The following RCAN2 variants were observed in gnomAD, a reference collection of about 807,000 sequenced individuals.
RCAN2 encodes regulator of calcineurin 2, also known as calcipressin-2.
A neutral mutation model predicts 23.6 loss-of-function variants in RCAN2; 9 were observed. That is an observed-to-expected ratio of 0.38 (90% CI 0.23 to 0.67). The LOEUF is 0.67. RCAN2 is among the 30% of genes least tolerant of loss of function. The probability of loss-of-function intolerance (pLI) is 0.51; values close to 1 mark genes in which losing one functional copy is unlikely to be tolerated. For missense variants in RCAN2, 273 were observed against 302.3 expected, an observed-to-expected ratio of 0.90 and a Z score of 0.72; for synonymous variants, 109 against 115.7, an observed-to-expected ratio of 0.94 and a Z score of 0.37.
At chr6:46,286,561 A>G (rs1762379539) in intron 2 of RCAN2, among the ~76,000 whole-genome samples, 1 of 152,202 alleles carries the variant, frequency 6.6e-6, no homozygotes. Flanking sequence ...TTTTGGCCAG[A>G]ATAAAGATGG....
At chr6:46,266,028 G>A (rs139616920) in intron 2 of RCAN2, among the ~76,000 whole-genome samples, 1,548 of 152,212 alleles carry the variant, frequency 0.01, 26 homozygotes, top group African/African-American at 0.035. Context: ...ACAGATCAGC[G>A]GTGGCAGCAT....
Position 46,359,883 on chromosome 6 carries a change from T to A in RCAN2, c.225+96869A>T, listed in dbSNP as rs116468683. ...AGAACCAAAGTTCAGAGATCACAAATCTTTTGTTTCCAGACCTAAAGGAAC... is the reference window on the plus strand; with the variant it reads ...AGAACCAAAGTTCAGAGATCACAAAACTTTTGTTTCCAGACCTAAAGGAAC... On this transcript the variant is annotated intron_variant, in intron 2 of 4. Coordinates refer to ENST00000371374, the MANE Select transcript of RCAN2 (RefSeq NM_001251974.2). 8.4e-4 allele frequency among the ~76,000 whole-genome samples: 128 copies of A among 152,262 alleles called. 1 individual carries two copies. The highest frequency in any genetic ancestry group is 2.8e-3 in the African/African-American group (116 of 41,542).
intron 2 of RCAN2, among the ~76,000 whole-genome samples, chr6:46,344,950 C>G (rs1185846054): frequency 6.6e-6 from 1 of 151,922 alleles, no homozygotes; most frequent in Admixed American, 6.6e-5. Flanking sequence ...AAAAATCTCC[C>G]TTTTTCTCTC....
At chr6:46,329,221 T>C (rs1328345127) in intron 2 of RCAN2, among the ~76,000 whole-genome samples, 1 of 152,176 alleles carries the variant, frequency 6.6e-6, no homozygotes, top group African/African-American at 2.4e-5. Flanking sequence ...CTTCTTATCA[T>C]CTGGATCTCC....
chr6:46,365,478 A>AAAAG (rs1765143155), intron 2 of RCAN2, among the ~76,000 whole-genome samples: 1 of 145,704 alleles, frequency 6.9e-6, no homozygotes, highest in Non-Finnish European at 1.5e-5. Flanking sequence ...CTCCATCTCA[A>AAAAG]AAAAGAAAAG....
intron 2 of RCAN2, among the ~76,000 whole-genome samples, chr6:46,328,684 C>A (rs1268314527): frequency 6.6e-6 from 1 of 152,210 alleles, no homozygotes; most frequent in Non-Finnish European, 1.5e-5. Context: ...GATCTCAGCT[C>A]ACTGCAACCA....
At chr6:46,388,272 AAAAT>A (rs1285984668) in intron 2 of RCAN2, among the ~76,000 whole-genome samples, 1 of 151,684 alleles carries the variant, frequency 6.6e-6, no homozygotes, top group Non-Finnish European at 1.5e-5. Flanking sequence ...TAATAATAAT[AAAAT>A]AAATAAATTT....
chr6:46,457,707 A>G (rs1049031035), intron 1 of RCAN2, among the ~76,000 whole-genome samples: 3 of 152,170 alleles, frequency 2.0e-5, no homozygotes, highest in Non-Finnish European at 2.9e-5. Flanking sequence ...GACTGAGATA[A>G]TTACTTCAAG....
intron 2 of RCAN2, among the ~76,000 whole-genome samples, chr6:46,392,156 A>G (rs573872004): frequency 6.6e-6 from 1 of 152,300 alleles, no homozygotes; most frequent in South Asian, 2.1e-4. Flanking sequence ...TTAAATTCAG[A>G]GAGGAAACAG....
intron 2 of RCAN2, among the ~76,000 whole-genome samples, chr6:46,324,115 G>A (rs1021482810): frequency 1.1e-4 from 17 of 152,332 alleles, no homozygotes; most frequent in Admixed American, 5.2e-4. Flanking sequence ...TGCTATGGAA[G>A]TACGACTGGC....
intron 2 of RCAN2, among the ~76,000 whole-genome samples, chr6:46,422,567 C>G (rs1415897145): frequency 6.6e-6 from 1 of 152,082 alleles, no homozygotes; most frequent in Non-Finnish European, 1.5e-5. Flanking sequence ...ATTTAAAAAG[C>G]TACCAACATC....
At chr6:46,280,213 G>T (rs941473547) in intron 2 of RCAN2, among the ~76,000 whole-genome samples, 2 of 152,140 alleles carry the variant, frequency 1.3e-5, no homozygotes, top group Non-Finnish European at 2.9e-5. Flanking sequence ...TAAAAGTGAG[G>T]TGATTAATCA....
chr6:46,404,414 C>T (rs1766340618), intron 2 of RCAN2, among the ~76,000 whole-genome samples: 2 of 152,112 alleles, frequency 1.3e-5, no homozygotes, highest in African/African-American at 4.8e-5. Flanking sequence ...TGGGGCCCTT[C>T]TTATTAAAGT....
chr6:46,336,908 C>G, intron 2 of RCAN2, among the ~76,000 whole-genome samples: 1 of 144,390 alleles, frequency 6.9e-6, no homozygotes, highest in South Asian at 2.2e-4. Context: ...AGGTAATGAT[C>G]TGGGGATGGG....
At chr6:46,441,432 T>TA (rs1332832763) in intron 2 of RCAN2, among the ~76,000 whole-genome samples, 1 of 152,162 alleles carries the variant, frequency 6.6e-6, no homozygotes. Context: ...TCAAGACACT[T>TA]ACAATCACCC....
intron 2 of RCAN2, among the ~76,000 whole-genome samples, chr6:46,415,515 T>A (rs777433816): frequency 2.0e-5 from 3 of 152,146 alleles, no homozygotes; most frequent in Non-Finnish European, 4.4e-5. Context: ...ATTCAGGAGA[T>A]ATCCTGAGCA....
chr6:46,458,894 C>T (rs1034516469), intron 1 of RCAN2, among the ~76,000 whole-genome samples: 1 of 131,064 alleles, frequency 7.6e-6, no homozygotes, highest in African/African-American at 2.8e-5. Context: ...AACGCGCGCG[C>T]ACGTGTGTGT....
intron 2 of RCAN2, among the ~76,000 whole-genome samples, chr6:46,367,954 C>T (rs546434831): frequency 1.3e-5 from 2 of 152,150 alleles, no homozygotes; most frequent in Non-Finnish European, 2.9e-5. Context: ...TGTCTCTACT[C>T]TCTGCTCTAA....
chr6:46,481,320 T>C (rs961637096), intron 1 of RCAN2, among the ~76,000 whole-genome samples: 9 of 152,324 alleles, frequency 5.9e-5, no homozygotes, highest in East Asian at 1.9e-4. Flanking sequence ...GAATAAGATA[T>C]ATAGGTTATC....
Sources: allele counts gnomAD v4.1 joint callset (sites outside exome capture counted in the v4.1 genomes callset), GRCh38; gene constraint gnomAD v4.1.1; transcripts MANE v1.5; gene names NCBI Gene and HGNC (gene_info 2026-07-23, HGNC 2026-07-21).